PTPRS: variants seen among roughly 807,000 people sequenced by gnomAD.
The protein encoded by PTPRS is receptor-type tyrosine-protein phosphatase S.
A neutral mutation model predicts 215.3 loss-of-function variants in PTPRS; 63 were observed. The observed-to-expected ratio is 0.29, with a 90% CI of 0.24 to 0.36. PTPRS has a LOEUF of 0.36. Ranked by LOEUF, PTPRS falls within the 10% of genes least tolerant of loss-of-function variation. PTPRS has a pLI of 1.00. For missense variants in PTPRS, 2,258 were observed against 2,825.8 expected (o/e 0.80, Z 4.56); for synonymous variants, 1,404 against 1,191.4 (o/e 1.18, Z -3.68).
chr19:5,220,110 G>C lies in PTPRS; in HGVS notation c.3594C>G (p.His1198Gln). Reference sequence around the variant, plus strand: ...GCCGGGGCACCTCCAGCTGACGCGAGTGCCGCAGGCTGCGCCTCTGTAGCC... The same window carrying C: ...GCCGGGGCACCTCCAGCTGACGCGACTGCCGCAGGCTGCGCCTCTGTAGCC... ...ISRLQRRSLR[H>Q]SRQLEVPRPY... is the part of the protein sequence containing the mutation. Residue 1198 changes from histidine to glutamine, a missense_variant, in exon 22 of 38, where the codon CAC (histidine) becomes CAG (glutamine). Transcript: ENST00000262963. 1 of 1,613,488 alleles carries C rather than the reference G, an allele frequency of 6.2e-7. No homozygotes were observed. The highest frequency in any genetic ancestry group is 8.5e-7 in the Non-Finnish European group (1 of 1,179,950).
At chr19:5,325,491 AAG>A (rs2050144459) in intron 1 of PTPRS, among the ~76,000 whole-genome samples, 1 of 150,456 alleles carries the variant, frequency 6.6e-6, no homozygotes, top group Non-Finnish European at 1.5e-5. Flanking sequence ...TTAACCTGGA[AAG>A]AGAAGAGAGA....
intron 11 of PTPRS, among the ~76,000 whole-genome samples, chr19:5,242,662 A>T (rs896694538): frequency 6.6e-6 from 1 of 151,402 alleles, no homozygotes. Context: ...CACAGGCATA[A>T]GCCACCACAC....
At position 5,222,076 on chromosome 19, in the gene PTPRS, A is replaced by T. The variant is rs766253358; in HGVS notation, c.3201+47T>A. 2.6e-6 allele frequency: 4 copies of T among 1,509,448 alleles called. No individual in the cohort carries two copies. In the Admixed American group the frequency reaches 6.7e-5, roughly 25 times the overall value. The allele number at this position is 1,509,448 out of a possible 1,614,324, so 93.5% of individuals were successfully genotyped here. ...GAGCCTTAAGCCCTGCTGAACTACA[A>T]CCCCTGACCCTGCCTGCCTGCCTGC... On this transcript the variant is annotated intron_variant, in intron 19 of 37. Transcript: ENST00000262963.
At chr19:5,219,071 C>G in intron 23 of PTPRS, 1 of 652,522 alleles carries the variant, frequency 1.5e-6, no homozygotes, top group Non-Finnish European at 2.6e-6. Flanking sequence ...TACCCCAAAT[C>G]TTGCTGAGTT....
At chr19:5,306,726 A>G (rs1475539043) in intron 1 of PTPRS, among the ~76,000 whole-genome samples, 3 of 152,146 alleles carry the variant, frequency 2.0e-5, no homozygotes, top group African/African-American at 2.4e-5. Flanking sequence ...ACTGGTGTCC[A>G]GTGAAGGGCA....
chr19:5,278,199 A>C, intron 2 of PTPRS: 1 of 329,558 alleles, frequency 3.0e-6, no homozygotes. Context: ...AAAAAAAAAA[A>C]GGGAGTGGGG....
rs1223006797 is a variant in PTPRS at position 5,220,488 on chromosome 19, C to T, written c.3456-135G>A. On this transcript the variant is annotated intron_variant, in intron 20 of 37. Transcript: ENST00000262963. ...TACAATGAGCCTATTCCCCTATGCC[C>T]CATCCACAAACGCCACAGTTGCTGA... is the stretch of plus-strand genomic sequence containing the variant. 4 of 755,776 alleles carry T rather than the reference C, an allele frequency of 5.3e-6. No individual in the cohort carries two copies. The Admixed American group carries it at 9.1e-5, about 17-fold the overall frequency. 46.8% of individuals were successfully genotyped at this position (755,776 alleles called of 1,614,324 possible).
Position 5,220,115 on chromosome 19 carries a change from G to A in PTPRS, c.3589C>T (p.Arg1197Trp), listed in dbSNP as rs781134304. ...DISRLQRRSLRHSRQLEVPRP... is the reference protein window; with the variant it reads ...DISRLQRRSLWHSRQLEVPRP... ...GGCACCTCCAGCTGACGCGAGTGCCGCAGGCTGCGCCTCTGTAGCCGTGAG... is the reference window on the plus strand; with the variant it reads ...GGCACCTCCAGCTGACGCGAGTGCCACAGGCTGCGCCTCTGTAGCCGTGAG... Residue 1197 changes from arginine to tryptophan, a missense_variant, in exon 22 of 38, where the codon CGG (arginine) becomes TGG (tryptophan). Transcript: ENST00000262963. The A allele has an allele frequency of 4.3e-6, 7 of 1,612,828 alleles. No homozygotes were observed. Among genetic ancestry groups the A allele is most frequent in the Admixed American group, 1.7e-5 (1 of 60,010 alleles).
intron 1 of PTPRS, among the ~76,000 whole-genome samples, chr19:5,311,713 G>GTTA (rs1015613690): frequency 1.3e-5 from 2 of 152,166 alleles, no homozygotes; most frequent in African/African-American, 4.8e-5. Context: ...GCTCTCTGCA[G>GTTA]GGTAACTGGG....
chr19:5,289,815 G>T (rs1006279098), intron 1 of PTPRS, among the ~76,000 whole-genome samples: 4 of 152,160 alleles, frequency 2.6e-5, no homozygotes, highest in African/African-American at 7.2e-5. Context: ...GGAGGGAGAG[G>T]GGGAGAGATG....
chr19:5,278,145 G>A (rs4807706), intron 2 of PTPRS: 332,187 of 365,202 alleles, frequency 0.91, 151,937 homozygotes, highest in Middle Eastern at 0.95. Context: ...TAGACGGCTC[G>A]TGTGCATGTT....
At chr19:5,239,155 G>T (rs978876555) in intron 12 of PTPRS, 92 bp from the exon 13 acceptor site, 5 of 725,184 alleles carry the variant, frequency 6.9e-6, no homozygotes, top group Middle Eastern at 3.5e-4. Flanking sequence ...AGAAACAGAG[G>T]GGGGAGGGGG....
At chr19:5,335,243 C>T (rs72987107) in intron 1 of PTPRS, among the ~76,000 whole-genome samples, 1,991 of 152,316 alleles carry the variant, frequency 0.013, 22 homozygotes, top group East Asian at 0.063. Flanking sequence ...CGACTGACTG[C>T]GGACGCGTTG....
chr19:5,238,757 C>A (rs1022653809), intron 13 of PTPRS, among the ~76,000 whole-genome samples, 162 bp downstream of exon 13: 1 of 152,234 alleles, frequency 6.6e-6, no homozygotes, highest in Admixed American at 6.5e-5. Flanking sequence ...TGAGGCACAG[C>A]GCGGGTAGAT....
At chr19:5,314,529 C>T (rs1034745997) in intron 1 of PTPRS, among the ~76,000 whole-genome samples, 1 of 151,994 alleles carries the variant, frequency 6.6e-6, no homozygotes, top group African/African-American at 2.4e-5. Context: ...GGTTTCTCCA[C>T]CTTTCTTATT....
intron 37 of PTPRS, among the ~76,000 whole-genome samples, chr19:5,207,567 C>T (rs2040478444): frequency 6.6e-6 from 1 of 152,182 alleles, no homozygotes; most frequent in Non-Finnish European, 1.5e-5. Context: ...GGAACATTCC[C>T]CTTGAAGCTA....
At chr19:5,297,880 C>T (rs905058252) in intron 1 of PTPRS, among the ~76,000 whole-genome samples, 11 of 150,904 alleles carry the variant, frequency 7.3e-5, no homozygotes, top group African/African-American at 2.4e-4. Context: ...GCAACCTCTG[C>T]CTCCCGGGTT....
chr19:5,219,819 GCCCA>G (rs2041818153), intron 22 of PTPRS, 116 bp downstream of exon 22: 2 of 1,180,730 alleles, frequency 1.7e-6, no homozygotes, highest in Non-Finnish European at 2.4e-6. Flanking sequence ...CTTCCCCTCT[GCCCA>G]GCTCTGACCA....
At chr19:5,325,297 A>G (rs1345584347) in intron 1 of PTPRS, among the ~76,000 whole-genome samples, 2 of 152,250 alleles carry the variant, frequency 1.3e-5, no homozygotes, top group Non-Finnish European at 2.9e-5. Context: ...TGGCACAGAC[A>G]GCTGCAAGGT....
Sources: allele counts gnomAD v4.1 joint callset (sites outside exome capture counted in the v4.1 genomes callset), GRCh38; gene constraint gnomAD v4.1.1; transcripts MANE v1.5; gene names NCBI Gene and HGNC (gene_info 2026-07-23, HGNC 2026-07-21).